NELL1: variants seen among roughly 807,000 people sequenced by gnomAD.
NELL1 encodes protein kinase C-binding protein NELL1.
NELL1 carries 76 observed loss-of-function variants against 107.4 expected under a neutral mutation model. That is an observed-to-expected ratio of 0.71 (90% CI 0.59 to 0.86). The LOEUF is 0.86. Among genes scored for constraint, NELL1 ranks in the 40% least tolerant of loss-of-function variants. The probability of loss-of-function intolerance (pLI) is 0.00; values close to 1 mark genes in which losing one functional copy is unlikely to be tolerated. For synonymous variants in NELL1, 353 were observed against 341.2 expected, an observed-to-expected ratio of 1.03 and a Z score of -0.38; for missense variants, 1,024 against 1,005.5, an observed-to-expected ratio of 1.02 and a Z score of -0.25.
chr11:20,818,571 T>A (rs1198864394), intron 3 of NELL1, among the ~76,000 whole-genome samples: 1 of 152,160 alleles, frequency 6.6e-6, no homozygotes, highest in Non-Finnish European at 1.5e-5. Context: ...ATATTTGAAC[T>A]GGTGAGTTAT....
Position 20,835,923 on chromosome 11 carries a change from T to G in NELL1, c.336-11660T>G, listed in dbSNP as rs936817833. Among the ~76,000 whole-genome samples, 3 of 152,274 alleles carry G rather than the reference T, an allele frequency of 2.0e-5. No homozygotes were observed. In the East Asian group the frequency reaches 5.8e-4, roughly 29 times the overall value. On this transcript the variant is annotated intron_variant, in intron 3 of 19. Coordinates refer to ENST00000357134, the MANE Select transcript of NELL1 (RefSeq NM_006157.5). ...TATGATCCATGGAAGAAAAAGTTGTTAAGTTAGATTTTTATTAAACCTTAA... is the reference window on the plus strand; with the variant it reads ...TATGATCCATGGAAGAAAAAGTTGTGAAGTTAGATTTTTATTAAACCTTAA...
At chr11:20,893,775 T>C (rs1416447802) in intron 5 of NELL1, among the ~76,000 whole-genome samples, 3 of 140,302 alleles carry the variant, frequency 2.1e-5, no homozygotes, top group Non-Finnish European at 4.6e-5. Context: ...ATTGAATTCA[T>C]AAAACCCAAA....
At chr11:21,538,851 A>G (rs1201795775) in intron 16 of NELL1, among the ~76,000 whole-genome samples, 7 of 152,198 alleles carry the variant, frequency 4.6e-5, no homozygotes, top group African/African-American at 1.7e-4. Flanking sequence ...ATCAGTTTCC[A>G]CAATATTGCT....
chr11:21,065,462 C>G (rs1465442212), intron 12 of NELL1, among the ~76,000 whole-genome samples: 1 of 152,110 alleles, frequency 6.6e-6, no homozygotes, highest in Non-Finnish European at 1.5e-5. Context: ...ATTTTCCACT[C>G]TGATTCAGTG....
At chr11:21,077,436 A>G (rs1854164105) in intron 12 of NELL1, among the ~76,000 whole-genome samples, 1 of 152,180 alleles carries the variant, frequency 6.6e-6, no homozygotes, top group Non-Finnish European at 1.5e-5. Context: ...CCACAAGAAT[A>G]TTGAAAATTC....
At chr11:20,709,501 T>A (rs1361072025) in intron 2 of NELL1, among the ~76,000 whole-genome samples, 1 of 152,178 alleles carries the variant, frequency 6.6e-6, no homozygotes. Context: ...TCTTTTTGTT[T>A]AGTCTTGCTT....
intron 15 of NELL1, among the ~76,000 whole-genome samples, chr11:21,382,936 A>C (rs748266509): frequency 2.6e-5 from 4 of 151,946 alleles, no homozygotes; most frequent in Non-Finnish European, 5.9e-5. Flanking sequence ...CAAAGGATAA[A>C]TAGGAAGAAA....
chr11:21,127,348 C>T (rs1855508391), intron 13 of NELL1, among the ~76,000 whole-genome samples: 1 of 152,092 alleles, frequency 6.6e-6, no homozygotes, highest in Non-Finnish European at 1.5e-5. Context: ...ATAATCTCAG[C>T]ACTTTGGGTG....
chr11:21,560,822 C>T (rs1387538984), intron 17 of NELL1, among the ~76,000 whole-genome samples: 1 of 152,112 alleles, frequency 6.6e-6, no homozygotes, highest in Non-Finnish European at 1.5e-5. Flanking sequence ...AACAGACTTG[C>T]ATCCAGTGCT....
chr11:20,859,714 C>T (rs970146555), intron 4 of NELL1, among the ~76,000 whole-genome samples: 2 of 152,042 alleles, frequency 1.3e-5, no homozygotes, highest in African/African-American at 2.4e-5. Flanking sequence ...TAGGAGACCC[C>T]CATTTAGGAG....
chr11:20,688,296 G>A (rs1400699685), intron 2 of NELL1, among the ~76,000 whole-genome samples: 1 of 152,084 alleles, frequency 6.6e-6, no homozygotes, highest in Non-Finnish European at 1.5e-5. Flanking sequence ...TATATTGTGT[G>A]ATGCTGAGGT....
At chr11:20,864,673 G>T (rs1485230141) in intron 4 of NELL1, among the ~76,000 whole-genome samples, 1 of 152,204 alleles carries the variant, frequency 6.6e-6, no homozygotes, top group Non-Finnish European at 1.5e-5. Context: ...CTTCTCAAAG[G>T]CCCTTTCAAC....
At chr11:21,093,908 C>T (rs546614447) in intron 12 of NELL1, among the ~76,000 whole-genome samples, 31 of 152,246 alleles carry the variant, frequency 2.0e-4, no homozygotes, top group Middle Eastern at 6.8e-3. Context: ...ATCATTCCAC[C>T]CCTGTACCCT....
intron 12 of NELL1, among the ~76,000 whole-genome samples, chr11:20,971,509 A>T (rs565327408): frequency 6.6e-6 from 1 of 152,328 alleles, no homozygotes; most frequent in African/African-American, 2.4e-5. Flanking sequence ...ATATCCAGAC[A>T]GAAATGAGAA....
At chr11:21,022,307 T>C (rs1269585041) in intron 12 of NELL1, among the ~76,000 whole-genome samples, 2 of 152,072 alleles carry the variant, frequency 1.3e-5, no homozygotes, top group African/African-American at 4.8e-5. Flanking sequence ...CCACCAAAAT[T>C]ATTAACAGAA....
chr11:21,435,047 C>T (rs1027252693), intron 15 of NELL1, among the ~76,000 whole-genome samples: 4 of 151,780 alleles, frequency 2.6e-5, no homozygotes, highest in African/African-American at 4.8e-5. Context: ...GTAACTTTAC[C>T]GAATTTGTTG....
intron 14 of NELL1, among the ~76,000 whole-genome samples, chr11:21,258,431 G>A (rs80219637): frequency 0.036 from 5,434 of 151,966 alleles, 107 homozygotes; most frequent in Admixed American, 0.058. Context: ...ATATTTTATG[G>A]TTAATAATTA....
intron 14 of NELL1, among the ~76,000 whole-genome samples, chr11:21,269,718 T>C (rs957887900): frequency 6.6e-6 from 1 of 152,020 alleles, no homozygotes. Context: ...ATCATATAGT[T>C]CAAATCATGG....
chr11:21,015,404 G>T (rs1046449968), intron 12 of NELL1, among the ~76,000 whole-genome samples: 1 of 152,044 alleles, frequency 6.6e-6, no homozygotes, highest in Non-Finnish European at 1.5e-5. Flanking sequence ...CCTTTTCCCT[G>T]TGCTCATAGT....
Sources: allele counts gnomAD v4.1 joint callset (sites outside exome capture counted in the v4.1 genomes callset), GRCh38; gene constraint gnomAD v4.1.1; transcripts MANE v1.5; gene names NCBI Gene and HGNC (gene_info 2026-07-23, HGNC 2026-07-21).